CTNNBL1: variants seen among roughly 807,000 people sequenced by gnomAD.
CTNNBL1 encodes the protein beta-catenin-like protein 1.
In CTNNBL1, 31 loss-of-function variants were observed where a neutral mutation model predicts 72.7. That is an observed-to-expected ratio of 0.43 (90% CI 0.32 to 0.58). The LOEUF is 0.58. Ranked by LOEUF, CTNNBL1 falls within the 20% of genes least tolerant of loss-of-function variation. The pLI, the probability that CTNNBL1 is intolerant of heterozygous loss-of-function variation, is 0.08. For missense variants in CTNNBL1, 534 were observed against 725.1 expected (o/e 0.74, Z 3.03); for synonymous variants, 240 against 267.3 (o/e 0.90, Z 1.00).
At chr20:37,747,571 G>GTTA (rs2073278528) in intron 4 of CTNNBL1, among the ~76,000 whole-genome samples, 1 of 151,836 alleles carries the variant, frequency 6.6e-6, no homozygotes. Context: ...GTCTTTCAGT[G>GTTA]TTATTTTTAT....
chr20:37,816,310 T>G (rs1244046358), intron 11 of CTNNBL1, among the ~76,000 whole-genome samples: 2 of 152,156 alleles, frequency 1.3e-5, no homozygotes, highest in Non-Finnish European at 2.9e-5. Context: ...TGCTGGGAGC[T>G]GGTCCTGGGG....
intron 1 of CTNNBL1, among the ~76,000 whole-genome samples, chr20:37,702,195 A>G (rs2072850741): frequency 6.6e-6 from 1 of 152,172 alleles, no homozygotes; most frequent in East Asian, 1.9e-4. Flanking sequence ...TTTTATTACA[A>G]TCTTGATAGT....
In CTNNBL1 at chr20:37,723,830, T is replaced by C. The variant is rs966378758; in HGVS notation, c.31-9049T>C. 2.6e-5 allele frequency among the ~76,000 whole-genome samples: 4 copies of C among 152,212 alleles called. No individual in the cohort carries two copies. In the East Asian group the frequency reaches 7.7e-4, roughly 29 times the overall value. ...TGATGATAGTTGCAGCATTAGAGTG[T>C]GAGCTGTTTCATTTGTGGTGCCTTA... On this transcript the variant is annotated intron_variant, in intron 1 of 15. Coordinates refer to ENST00000361383, the MANE Select transcript of CTNNBL1 (RefSeq NM_030877.5).
intron 1 of CTNNBL1, among the ~76,000 whole-genome samples, chr20:37,700,331 G>C (rs185883846): frequency 6.6e-6 from 1 of 152,290 alleles, no homozygotes; most frequent in East Asian, 1.9e-4. Context: ...ATATCATGCA[G>C]TGTCAAGAAA....
intron 10 of CTNNBL1, among the ~76,000 whole-genome samples, chr20:37,796,524 G>T (rs1169109825): frequency 1.3e-5 from 2 of 151,720 alleles, no homozygotes; most frequent in Non-Finnish European, 2.9e-5. Context: ...GGCCCAGAGT[G>T]GAAGTCCAGC....
chr20:37,860,976 G>A (rs963220947), intron 15 of CTNNBL1, among the ~76,000 whole-genome samples: 1 of 152,206 alleles, frequency 6.6e-6, no homozygotes, highest in Non-Finnish European at 1.5e-5. Flanking sequence ...TCAGTACTGT[G>A]TGCAGTTTCA....
intron 11 of CTNNBL1, among the ~76,000 whole-genome samples, chr20:37,817,150 G>C (rs753394097): frequency 1.3e-5 from 2 of 152,184 alleles, no homozygotes; most frequent in Non-Finnish European, 2.9e-5. Context: ...ATGTCTGCTA[G>C]GGCCCCCCAA....
chr20:37,783,303 T>C (rs2073642434), intron 10 of CTNNBL1, among the ~76,000 whole-genome samples: 1 of 152,204 alleles, frequency 6.6e-6, no homozygotes. Flanking sequence ...TTGTTTATCT[T>C]TTGAAACCTA....
At position 37,859,938 on chromosome 20, in the gene CTNNBL1, G is replaced by A. The variant is rs754843184; in HGVS notation, c.1432G>A (p.Glu478Lys). ...RRGEIIDNDT[E>K]EEFYLRRLDA... ...AGGAGAGATCATCGACAATGACACC[G>A]AGGAGGAGTTCTACCTCCGGCGCCT... Residue 478 changes from glutamate to lysine, a missense_variant, in exon 14 of 16, where the codon GAG becomes AAG. Glu to Lys is a moderately conservative substitution (Grantham distance 56, BLOSUM62 1). Transcript: ENST00000361383. 1.7e-5 allele frequency: 28 copies of A among 1,614,008 alleles called. No individual in the cohort carries two copies. Among genetic ancestry groups the A allele is most frequent in the East Asian group, 2.2e-5 (1 of 44,894 alleles).
At chr20:37,728,238 C>T (rs902800509) in intron 1 of CTNNBL1, among the ~76,000 whole-genome samples, 12 of 151,820 alleles carry the variant, frequency 7.9e-5, no homozygotes, top group Non-Finnish European at 1.8e-4. Context: ...TTCCAAGGAC[C>T]TAGTGTGAAA....
intron 10 of CTNNBL1, among the ~76,000 whole-genome samples, chr20:37,782,364 C>T (rs1276464730): frequency 2.0e-5 from 3 of 152,130 alleles, no homozygotes; most frequent in Non-Finnish European, 4.4e-5. Context: ...ATACTCCCTC[C>T]TTCCCACACA....
chr20:37,772,041 T>C (rs1209976398), intron 7 of CTNNBL1, among the ~76,000 whole-genome samples: 3 of 152,238 alleles, frequency 2.0e-5, no homozygotes, highest in African/African-American at 7.2e-5. Context: ...TACCCGTAAC[T>C]GTGTGATGCT....
At chr20:37,836,970 A>G (rs1055432724) in intron 11 of CTNNBL1, among the ~76,000 whole-genome samples, 1 of 152,148 alleles carries the variant, frequency 6.6e-6, no homozygotes, top group Admixed American at 6.5e-5. Flanking sequence ...AAGTAATTCC[A>G]AAGTTTTAGA....
intron 15 of CTNNBL1, among the ~76,000 whole-genome samples, chr20:37,861,256 C>G (rs991644148): frequency 6.6e-6 from 1 of 152,200 alleles, no homozygotes; most frequent in Non-Finnish European, 1.5e-5. Context: ...ATGGAGTTCC[C>G]CAAATGCTGC....
intron 7 of CTNNBL1, among the ~76,000 whole-genome samples, chr20:37,771,572 T>C (rs2122676229): frequency 6.6e-6 from 1 of 152,196 alleles, no homozygotes; most frequent in South Asian, 2.1e-4. Flanking sequence ...AGATACCTTT[T>C]TTTTTTTTTA....
At chr20:37,835,200 A>G (rs2072243347) in intron 11 of CTNNBL1, among the ~76,000 whole-genome samples, 2 of 152,176 alleles carry the variant, frequency 1.3e-5, no homozygotes, top group Admixed American at 6.5e-5. Flanking sequence ...TTGGCAAAAC[A>G]TTATTCCTTT....
At chr20:37,738,495 T>A (rs891623559) in intron 3 of CTNNBL1, among the ~76,000 whole-genome samples, 6 of 151,834 alleles carry the variant, frequency 4.0e-5, no homozygotes, top group Non-Finnish European at 7.3e-5. Context: ...ATTTATACGA[T>A]TTTAATGTTC....
chr20:37,762,299 A>G (rs2073425090), intron 5 of CTNNBL1, among the ~76,000 whole-genome samples: 1 of 152,230 alleles, frequency 6.6e-6, no homozygotes, highest in Non-Finnish European at 1.5e-5. Flanking sequence ...CCTAGTAGGC[A>G]GAAAAATCCC....
At chr20:37,757,778 T>C (rs2073378081) in intron 5 of CTNNBL1, 122 bp downstream of exon 5, 2 of 677,304 alleles carry the variant, frequency 3.0e-6, no homozygotes, top group East Asian at 5.4e-5. Flanking sequence ...GTGGTGAGGC[T>C]GGAGTGAATA....
Sources: allele counts gnomAD v4.1 joint callset (sites outside exome capture counted in the v4.1 genomes callset), GRCh38; gene constraint gnomAD v4.1.1; transcripts MANE v1.5; gene names NCBI Gene and HGNC (gene_info 2026-07-23, HGNC 2026-07-21).